HS3ST3A1: variants seen among roughly 807,000 people sequenced by gnomAD.
The protein encoded by HS3ST3A1 is heparan sulfate-glucosamine 3-sulfotransferase 3A1.
HS3ST3A1 carries 19 observed loss-of-function variants against 25.7 expected under a neutral mutation model. The ratio of observed to expected loss-of-function variants is 0.74; its 90% CI spans 0.52 to 1.08. The LOEUF is 1.08. Among genes scored for constraint, HS3ST3A1 ranks in the 50% least tolerant of loss-of-function variants. The pLI is 0.00. For synonymous variants in HS3ST3A1, 226 were observed against 278.6 expected (o/e 0.81, Z 1.88); for missense variants, 459 against 594.3 (o/e 0.77, Z 2.37).
intron 1 of HS3ST3A1, among the ~76,000 whole-genome samples, chr17:13,588,502 GT>G: frequency 6.6e-6 from 1 of 152,140 alleles, no homozygotes; most frequent in South Asian, 2.1e-4. Context: ...ACTAGTCAAC[GT>G]TTTTCAAACT....
chr17:13,566,674 G>T (rs891495271), intron 1 of HS3ST3A1, among the ~76,000 whole-genome samples: 2 of 152,102 alleles, frequency 1.3e-5, no homozygotes, highest in Non-Finnish European at 2.9e-5. Context: ...AAGTGAAACA[G>T]CCTTATCACT....
At chr17:13,598,526 T>TA (rs1908640531) in intron 1 of HS3ST3A1, among the ~76,000 whole-genome samples, 2 of 152,168 alleles carry the variant, frequency 1.3e-5, no homozygotes, top group Admixed American at 1.3e-4. Context: ...CCGTGAAGTC[T>TA]ACTGTGCAGT....
Position 13,553,016 on chromosome 17 carries a change from G to T in HS3ST3A1, c.599+47515C>A, listed in dbSNP as rs114463035. ...GGAATTCTAGTCCCCTGGGTCTAAG[G>T]CTTCCTGGTCTTTCTAGGACCATGT... On this transcript the variant is annotated intron_variant, in intron 1 of 1. Coordinates refer to ENST00000284110, the MANE Select transcript of HS3ST3A1 (RefSeq NM_006042.3). 6.9e-3 allele frequency among the ~76,000 whole-genome samples: 1,055 copies of T among 152,242 alleles called. 12 individuals carry two copies. The highest frequency in any genetic ancestry group is 0.024 in the African/African-American group (996 of 41,526).
In HS3ST3A1 at chr17:13,540,797, G is replaced by A. The variant is rs1736523016; in HGVS notation, c.600-43979C>T. 3.3e-5 allele frequency among the ~76,000 whole-genome samples: 5 copies of A among 152,178 alleles called. No homozygotes were observed. The South Asian group carries it at 1.0e-3, about 32-fold the overall frequency. ...ATCTTGGCATTCATTCCCCTTAGGG[G>A]CTACCCAAAAGAGCAAAAGGGAAAG... On this transcript the variant is annotated intron_variant, in intron 1 of 1. Transcript: ENST00000284110.
intron 1 of HS3ST3A1, among the ~76,000 whole-genome samples, chr17:13,528,367 C>T (rs1467616000): frequency 3.3e-5 from 5 of 152,204 alleles, no homozygotes; most frequent in Admixed American, 3.3e-4. Context: ...GGGCAGCCGA[C>T]AGGTTTCAGC....
intron 1 of HS3ST3A1, among the ~76,000 whole-genome samples, chr17:13,508,948 G>T (rs1465624750): frequency 1.3e-5 from 2 of 151,412 alleles, no homozygotes; most frequent in African/African-American, 4.9e-5. Context: ...TACTTTGAGG[G>T]TAAGCATCTC....
rs527332771 is a variant in HS3ST3A1 at position 13,554,699 on chromosome 17, G to C, written c.599+45832C>G. Among the ~76,000 whole-genome samples, 73 of 152,260 alleles carry C rather than the reference G, an allele frequency of 4.8e-4. 2 individuals are homozygous for C. In the South Asian group the frequency reaches 0.015, roughly 31 times the overall value. On this transcript the variant is annotated intron_variant, in intron 1 of 1. Transcript: ENST00000284110. ...AGCCTCCTTTTGAAAGAGAGATAAAGCAAAGGTTTTGTCTTTCAAGCACGA... is the reference window on the plus strand; with the variant it reads ...AGCCTCCTTTTGAAAGAGAGATAAACCAAAGGTTTTGTCTTTCAAGCACGA...
chr17:13,526,278 G>C (rs2142325306), intron 1 of HS3ST3A1, among the ~76,000 whole-genome samples: 1 of 151,842 alleles, frequency 6.6e-6, no homozygotes, highest in Admixed American at 6.6e-5. Context: ...CCTCAATCCA[G>C]ACTTCCCTGC....
At chr17:13,542,571 T>C (rs1250527525) in intron 1 of HS3ST3A1, among the ~76,000 whole-genome samples, 1 of 151,866 alleles carries the variant, frequency 6.6e-6, no homozygotes, top group Non-Finnish European at 1.5e-5. Context: ...GACAATAAAC[T>C]GTTGTTTAGG....
chr17:13,519,716 T>A (rs572638717), intron 1 of HS3ST3A1, among the ~76,000 whole-genome samples: 3 of 152,332 alleles, frequency 2.0e-5, no homozygotes, highest in African/African-American at 7.2e-5. Context: ...GTATGGTTAT[T>A]TTATTCATTC....
chr17:13,571,468 C>T (rs999419056), intron 1 of HS3ST3A1, among the ~76,000 whole-genome samples: 16 of 152,190 alleles, frequency 1.1e-4, no homozygotes, highest in Non-Finnish European at 2.2e-4. Flanking sequence ...TTTCTGAGGG[C>T]AACCTAGATG....
chr17:13,528,203 G>A, intron 1 of HS3ST3A1, among the ~76,000 whole-genome samples: 1 of 152,174 alleles, frequency 6.6e-6, no homozygotes, highest in East Asian at 1.9e-4. Context: ...GGGCTCCAAA[G>A]TCCCATCTAC....
At chr17:13,579,819 A>C (rs770798067) in intron 1 of HS3ST3A1, among the ~76,000 whole-genome samples, 1 of 151,130 alleles carries the variant, frequency 6.6e-6, no homozygotes, top group Non-Finnish European at 1.5e-5. Flanking sequence ...AAAACTACAA[A>C]AATTAGTGGG....
intron 1 of HS3ST3A1, among the ~76,000 whole-genome samples, chr17:13,498,276 G>A (rs986579619): frequency 6.6e-6 from 1 of 152,094 alleles, no homozygotes; most frequent in Non-Finnish European, 1.5e-5. Flanking sequence ...TTTTAATGAT[G>A]CAGGTACTGG....
intron 1 of HS3ST3A1, among the ~76,000 whole-genome samples, chr17:13,548,996 G>T (rs1171669010): frequency 6.6e-6 from 1 of 152,228 alleles, no homozygotes; most frequent in African/African-American, 2.4e-5. Context: ...CGAGCCCGCA[G>T]CAGCGATCTG....
At chr17:13,598,602 G>C (rs2052904611) in intron 1 of HS3ST3A1, among the ~76,000 whole-genome samples, 1 of 152,066 alleles carries the variant, frequency 6.6e-6, no homozygotes, top group South Asian at 2.1e-4. Flanking sequence ...TCCAAGAAGA[G>C]ATTTACTTTA....
At chr17:13,573,099 A>G (rs1261876304) in intron 1 of HS3ST3A1, among the ~76,000 whole-genome samples, 1 of 152,168 alleles carries the variant, frequency 6.6e-6, no homozygotes, top group East Asian at 1.9e-4. Flanking sequence ...CCTAGTTGAC[A>G]AATCCATCAG....
chr17:13,572,024 G>A (rs1343680114), intron 1 of HS3ST3A1, among the ~76,000 whole-genome samples: 1 of 152,126 alleles, frequency 6.6e-6, no homozygotes, highest in Non-Finnish European at 1.5e-5. Context: ...CTCTCAAAGT[G>A]CTGGGATTAC....
chr17:13,578,845 CTGTT>C (rs1022978685), intron 1 of HS3ST3A1, among the ~76,000 whole-genome samples: 9 of 152,082 alleles, frequency 5.9e-5, no homozygotes, highest in African/African-American at 2.2e-4. Context: ...AAGTATTTGA[CTGTT>C]TGAATTACTT....
Sources: allele counts gnomAD v4.1 joint callset (sites outside exome capture counted in the v4.1 genomes callset), GRCh38; gene constraint gnomAD v4.1.1; transcripts MANE v1.5; gene names NCBI Gene and HGNC (gene_info 2026-07-23, HGNC 2026-07-21).